Variants in CPS1 observed in about 807,000 individuals in gnomAD.
The protein encoded by CPS1 is carbamoyl-phosphate synthase [ammonia], mitochondrial.
In CPS1, 109 loss-of-function variants were observed where a neutral mutation model predicts 174.6. The ratio of observed to expected loss-of-function variants is 0.62; its 90% CI spans 0.53 to 0.73. The LOEUF (loss-of-function observed/expected upper bound fraction) is 0.73, where lower values mean the gene tolerates loss of function less well. Among genes scored for constraint, CPS1 ranks in the 30% least tolerant of loss-of-function variants. The pLI is 0.00. For missense variants in CPS1, 1,689 were observed against 1,821.9 expected (o/e 0.93, Z 1.33); for synonymous variants, 637 against 632.0 (o/e 1.01, Z -0.12).
At chr2:210,497,979 G>A (rs572229809) in intron 1 of CPS1, among the ~76,000 whole-genome samples, 21 of 146,584 alleles carry the variant, frequency 1.4e-4, no homozygotes, top group African/African-American at 5.0e-4. Flanking sequence ...TGAGTTCTTT[G>A]AGAAATCTCT....
At chr2:210,663,888 T>G (rs1331320919) in intron 33 of CPS1, among the ~76,000 whole-genome samples, 1 of 152,158 alleles carries the variant, frequency 6.6e-6, no homozygotes, top group African/African-American at 2.4e-5. Flanking sequence ...CTTCAGATTC[T>G]CATCAGTGCA....
rs772400341 is a variant in CPS1 at position 210,648,057 on chromosome 2, G to A, written c.3336G>A (p.Leu1112=). 1 of 1,613,628 alleles carries A rather than the reference G, an allele frequency of 6.2e-7. No homozygotes were observed. Among genetic ancestry groups the A allele is most frequent in the Non-Finnish European group, 8.5e-7 (1 of 1,179,698 alleles). ...CACCTTGGAAAGCTGTTAATACTTT[G>A]GTAAGGAGAGAAACAAGTATCTGTT... ...AQAPWKAVNT[L]NEALEFAKSV... Residue 1112 remains leucine (L), a splice_region_variant and synonymous_variant, in exon 26 of 38, where the codon TTG becomes TTA. Coordinates refer to ENST00000233072, the MANE Select transcript of CPS1 (RefSeq NM_001875.5).
chr2:210,570,858 A>G (rs143026420), intron 1 of CPS1, among the ~76,000 whole-genome samples: 1 of 152,054 alleles, frequency 6.6e-6, no homozygotes, highest in East Asian at 1.9e-4. Context: ...GAGTTTTCCT[A>G]ATAAACACAC....
In CPS1 at chr2:210,650,430, G is replaced by A. The variant is rs555151297; in HGVS notation, c.3472G>A (p.Val1158Ile). Residue 1158 changes from valine (V) to isoleucine (I), a missense_variant, in exon 28 of 38, where the codon GTT becomes ATT. Val to Ile is a conservative substitution (Grantham distance 29, BLOSUM62 3). Coordinates refer to ENST00000233072, the MANE Select transcript of CPS1 (RefSeq NM_001875.5). ...AAAATTCCTAGAAGAGGCGACTAGA[G>A]TTTCTCAGGTAGTGTCCAATTTCTT... ...MKKFLEEATR[V>I]SQEHPVVLTK... The A allele has an allele frequency of 8.1e-6, 13 of 1,610,862 alleles. No homozygotes were observed. The African/African-American group carries it at 1.2e-4, about 15-fold the overall frequency.
At chr2:210,569,652 C>G (rs1697414731) in intron 1 of CPS1, among the ~76,000 whole-genome samples, 2 of 151,988 alleles carry the variant, frequency 1.3e-5, no homozygotes, top group Non-Finnish European at 2.9e-5. Context: ...TGCTTGACAC[C>G]TGGTAGGAGT....
intron 19 of CPS1, among the ~76,000 whole-genome samples, chr2:210,608,989 GC>G (rs1699020560): frequency 6.6e-6 from 1 of 151,824 alleles, no homozygotes; most frequent in East Asian, 1.9e-4. Flanking sequence ...GCAAATTGTG[GC>G]TCTAACTTCC....
intron 4 of CPS1, 120 bp from the exon 5 acceptor site, chr2:210,579,594 A>G: frequency 1.3e-6 from 1 of 786,020 alleles, no homozygotes; most frequent in Non-Finnish European, 2.2e-6. Flanking sequence ...AGAGAAAAGA[A>G]AGAGTGGAGA....
At chr2:210,518,052 C>T (rs556075955) in intron 1 of CPS1, among the ~76,000 whole-genome samples, 1 of 152,062 alleles carries the variant, frequency 6.6e-6, no homozygotes, top group East Asian at 1.9e-4. Flanking sequence ...GTTTAAGTGC[C>T]ATATAGTTTA....
intron 1 of CPS1, among the ~76,000 whole-genome samples, chr2:210,524,831 CT>C (rs775566839): frequency 2.6e-5 from 4 of 151,926 alleles, no homozygotes; most frequent in African/African-American, 4.8e-5. Flanking sequence ...TATTTTTTGG[CT>C]GTTCTTTCTG....
chr2:210,573,513 GTATTGTCCTGAAGTTGCACC>G, intron 2 of CPS1, 106 bp downstream of exon 2: 1 of 895,430 alleles, frequency 1.1e-6, no homozygotes, highest in Non-Finnish European at 1.8e-6. Flanking sequence ...GTAAGACTAC[GTATTGTCCTGAAGTTGCACC>G]ATGCCTTGTG....
At chr2:210,597,908 A>G (rs1698547023) in intron 13 of CPS1, among the ~76,000 whole-genome samples, 1 of 151,950 alleles carries the variant, frequency 6.6e-6, no homozygotes, top group Admixed American at 6.6e-5. Context: ...GGTTTTTTAA[A>G]TATGTACAAA....
intron 29 of CPS1, among the ~76,000 whole-genome samples, chr2:210,656,044 G>A (rs1559130276): frequency 6.6e-6 from 1 of 151,626 alleles, no homozygotes; most frequent in Non-Finnish European, 1.5e-5. Context: ...TTTTCCTTTC[G>A]ACTCCTTCCT....
chr2:210,537,623 A>G (rs1278192020), intron 1 of CPS1, among the ~76,000 whole-genome samples: 1 of 152,208 alleles, frequency 6.6e-6, no homozygotes, highest in Non-Finnish European at 1.5e-5. Context: ...AATGTCTTAT[A>G]CCATTGATTT....
At chr2:210,477,810 G>A (rs927646465) in intron 1 of CPS1, 4 of 1,606,148 alleles carry the variant, frequency 2.5e-6, no homozygotes, top group Non-Finnish European at 3.4e-6. Context: ...AAAGATGGGT[G>A]TTTGAAGGAG....
chr2:210,656,574 C>G lies in CPS1; in HGVS notation c.3608C>G (p.Ser1203Trp). Residue 1203 changes from serine (S) to tryptophan (W), a missense_variant, in exon 30 of 38, where the codon TCG (serine) becomes TGG (tryptophan). Ser to Trp is a radical substitution (Grantham distance 177, BLOSUM62 -3). Coordinates refer to ENST00000233072, the MANE Select transcript of CPS1 (RefSeq NM_001875.5). ...CATGTTGAAGATGCAGGTGTCCACTCGGGAGATGCCACTCTGATGCTGCCC... is the reference window on the plus strand; with the variant it reads ...CATGTTGAAGATGCAGGTGTCCACTGGGGAGATGCCACTCTGATGCTGCCC... ...SEHVEDAGVH[S>W]GDATLMLPTQ... 6.2e-7 allele frequency: 1 copy of G among 1,609,658 alleles called. No individual in the cohort carries two copies. The highest frequency in any genetic ancestry group is 8.5e-7 in the Non-Finnish European group (1 of 1,179,480).
upstream of CPS1, chr2:210,556,535 G>A (rs921396849): frequency 2.7e-6 from 4 of 1,473,002 alleles, no homozygotes; most frequent in Admixed American, 4.4e-5. Flanking sequence ...TACCTCAGGA[G>A]GAGGGGTTAA....
At chr2:210,618,936 T>G (rs917831372) in intron 21 of CPS1, 13 of 152,220 alleles carry the variant, frequency 8.5e-5, no homozygotes, top group Middle Eastern at 3.4e-3. Context: ...TCATTTGTAT[T>G]TATTTATGGT....
rs1270251268 is a variant in CPS1, at chr2:210,590,838, C to T, written c.879C>T (p.Ile293=). ...ATCGCAAGGAGCCATTGTTTGGAAT[C>T]AGTACAGGAAACTTAATAACAGGAT... The part of the protein sequence containing the change: ...ESDRKEPLFG[I]STGNLITGLA... Residue 293 remains isoleucine (I), a synonymous_variant, in exon 9 of 38, where the codon ATC becomes ATT. Transcript: ENST00000233072. 1.9e-6 allele frequency: 3 copies of T among 1,611,018 alleles called. No homozygotes were observed. The Admixed American group carries it at 5.0e-5, about 27-fold the overall frequency.
upstream of CPS1, among the ~76,000 whole-genome samples, chr2:210,551,752 C>G (rs1696736072): frequency 6.6e-6 from 1 of 151,846 alleles, no homozygotes; most frequent in Non-Finnish European, 1.5e-5. Context: ...ACTTTCTATT[C>G]CTCAAAATGC....
Sources: gnomAD v4.1 joint callset for allele counts (sites outside exome capture counted in the v4.1 genomes callset) on GRCh38, gnomAD v4.1.1 for gene constraint, MANE v1.5 for transcripts, NCBI Gene and HGNC (gene_info 2026-07-23, HGNC 2026-07-21) for gene names.